MLIP: variants seen among roughly 807,000 people sequenced by gnomAD.
MLIP encodes muscular LMNA-interacting protein.
Under a neutral mutation model 84.8 loss-of-function variants are expected in MLIP, and 79 were observed. The observed-to-expected ratio is 0.93, with a 90% CI of 0.78 to 1.12. The LOEUF (loss-of-function observed/expected upper bound fraction) is 1.12. Among genes scored for constraint, MLIP ranks in the 50% most tolerant of loss-of-function variants. MLIP has a pLI of 0.00. For missense variants in MLIP, 1,257 were observed against 1,160.6 expected, an observed-to-expected ratio of 1.08 and a Z score of -1.21; for synonymous variants, 504 against 463.0, an observed-to-expected ratio of 1.09 and a Z score of -1.14.
At chr6:54,244,589 G>C (rs537765246) in intron 12 of MLIP, among the ~76,000 whole-genome samples, 4 of 152,234 alleles carry the variant, frequency 2.6e-5, no homozygotes, top group African/African-American at 9.6e-5. Context: ...ATCATTTTTA[G>C]CTAGGTTCTC....
chr6:54,032,259 C>T (rs113880002), intron 1 of MLIP: 29 of 152,214 alleles, frequency 1.9e-4, no homozygotes, highest in African/African-American at 6.7e-4. Context: ...TTTCAGATAT[C>T]ATGAAATTCT....
chr6:54,049,212 T>C (rs750455397), intron 1 of MLIP, among the ~76,000 whole-genome samples: 1 of 152,182 alleles, frequency 6.6e-6, no homozygotes, highest in Non-Finnish European at 1.5e-5. Context: ...GTAAAGCTAA[T>C]CTCTGTGGGT....
intron 8 of MLIP, among the ~76,000 whole-genome samples, chr6:54,162,335 A>C (rs1774727439): frequency 6.6e-6 from 1 of 152,046 alleles, no homozygotes; most frequent in African/African-American, 2.4e-5. Flanking sequence ...TATGAAAATA[A>C]AGAAGTTAGC....
intron 1 of MLIP, among the ~76,000 whole-genome samples, chr6:54,071,276 T>C (rs1013648959): frequency 2.0e-5 from 3 of 152,114 alleles, no homozygotes; most frequent in Admixed American, 6.5e-5. Context: ...TTAATGAACA[T>C]GACAAACTTT....
At chr6:54,256,963 T>G (rs1188342443) in intron 12 of MLIP, among the ~76,000 whole-genome samples, 5 of 152,152 alleles carry the variant, frequency 3.3e-5, no homozygotes, top group Admixed American at 6.6e-5. Context: ...AGCATAAATT[T>G]AACTTTGTTT....
intron 8 of MLIP, among the ~76,000 whole-genome samples, chr6:54,161,435 A>G (rs1270996515): frequency 1.3e-5 from 2 of 151,980 alleles, no homozygotes; most frequent in Non-Finnish European, 1.5e-5. Flanking sequence ...ATTTGTTAGG[A>G]TAAAATAATA....
At chr6:54,213,344 G>T (rs1404980520) in intron 11 of MLIP, among the ~76,000 whole-genome samples, 1 of 152,074 alleles carries the variant, frequency 6.6e-6, no homozygotes, top group East Asian at 1.9e-4. Context: ...CAATATAAAT[G>T]CTTCATTTAA....
intron 4 of MLIP, among the ~76,000 whole-genome samples, chr6:54,141,568 A>G (rs908659495): frequency 2.0e-5 from 3 of 152,142 alleles, no homozygotes; most frequent in African/African-American, 7.2e-5. Context: ...CGGCATCCCA[A>G]AGTGCTGGGA....
At chr6:54,083,557 C>G (rs1477809933) in intron 1 of MLIP, 1 of 1,535,836 alleles carries the variant, frequency 6.5e-7, no homozygotes, top group Non-Finnish European at 8.7e-7. Context: ...TTGACATCTG[C>G]TAGTTTGACA....
chr6:54,085,265 A>G (rs1361329495), intron 1 of MLIP, among the ~76,000 whole-genome samples: 1 of 152,174 alleles, frequency 6.6e-6, no homozygotes, highest in Non-Finnish European at 1.5e-5. Context: ...ACATTGTGTG[A>G]CAATAGTTAA....
intron 11 of MLIP, among the ~76,000 whole-genome samples, chr6:54,213,734 A>AAAAAAAAAAAAAAAAC (rs368508685): frequency 2.4e-5 from 2 of 82,364 alleles, no homozygotes; most frequent in Non-Finnish European, 2.4e-5. Flanking sequence ...AAAAAAAAAA[A>AAAAAAAAAAAAAAAAC]AACAACAAAC....
rs1208291241 is a variant in MLIP, at chr6:54,138,076, C to A, written c.2007C>A (p.Thr669=). The change falls in exon 4 of 14, where the codon ACC becomes ACA. Residue 669 remains threonine, a synonymous_variant. Coordinates refer to ENST00000502396, the MANE Select transcript of MLIP (RefSeq NM_001281747.2). ...CTCTCCCTCATGCCAATCTGCCCAC[C>A]CTGGTGCCCCAGCTCAGTCCCTCAG... The part of the protein sequence containing the change: ...SSSLPHANLP[T]LVPQLSPSAL... The A allele has an allele frequency of 1.3e-5, 20 of 1,536,022 alleles. No homozygotes were observed. In the East Asian group the frequency reaches 4.6e-4, roughly 36 times the overall value.
chr6:54,216,785 C>T, intron 11 of MLIP: 1 of 985,126 alleles, frequency 1.0e-6, no homozygotes, highest in Non-Finnish European at 1.2e-6. Context: ...AGAAGATATG[C>T]CATATAATCG....
intron 13 of MLIP, among the ~76,000 whole-genome samples, chr6:54,264,599 A>G (rs566911843): frequency 5.6e-4 from 86 of 152,258 alleles, no homozygotes; most frequent in African/African-American, 2.0e-3. Context: ...TATTAGCCAA[A>G]TGATGATCAT....
chr6:54,097,696 T>C (rs1167984439), intron 1 of MLIP, among the ~76,000 whole-genome samples: 1 of 152,194 alleles, frequency 6.6e-6, no homozygotes, highest in Admixed American at 6.6e-5. Flanking sequence ...TTAATAATCA[T>C]CTAACGTATG....
intron 12 of MLIP, among the ~76,000 whole-genome samples, chr6:54,231,973 G>T (rs1229229510): frequency 1.3e-5 from 2 of 152,166 alleles, no homozygotes; most frequent in Middle Eastern, 3.4e-3. Context: ...ACAACTGAAT[G>T]ATCAATTTTG....
At chr6:54,140,121 T>C (rs1402022671) in intron 4 of MLIP, among the ~76,000 whole-genome samples, 1 of 152,172 alleles carries the variant, frequency 6.6e-6, no homozygotes, top group Non-Finnish European at 1.5e-5. Flanking sequence ...AATCTAATCA[T>C]TACTGTTTCC....
upstream of MLIP, among the ~76,000 whole-genome samples, chr6:54,108,341 G>A (rs910035308): frequency 2.0e-5 from 3 of 152,130 alleles, no homozygotes; most frequent in African/African-American, 7.2e-5. Flanking sequence ...TGTAATTAGA[G>A]GATAGATTCT....
At chr6:54,096,550 A>G (rs950027413) in intron 1 of MLIP, among the ~76,000 whole-genome samples, 1 of 152,100 alleles carries the variant, frequency 6.6e-6, no homozygotes, top group Admixed American at 6.6e-5. Context: ...AGCCTTGGCT[A>G]CTTTGGCTGG....
Sources: gnomAD v4.1 joint callset for allele counts (sites outside exome capture counted in the v4.1 genomes callset) on GRCh38, gnomAD v4.1.1 for gene constraint, MANE v1.5 for transcripts, NCBI Gene and HGNC (gene_info 2026-07-23, HGNC 2026-07-21) for gene names.